The following SRGAP3 variants were observed in gnomAD, a reference collection of about 807,000 sequenced individuals.
SRGAP3 encodes the protein SLIT-ROBO Rho GTPase-activating protein 3.
In SRGAP3, 39 loss-of-function variants were observed where a neutral mutation model predicts 121.1. The ratio of observed to expected loss-of-function variants is 0.32; its 90% CI spans 0.25 to 0.42. The LOEUF is 0.42. Among genes scored for constraint, SRGAP3 ranks in the 10% least tolerant of loss-of-function variants. SRGAP3 has a pLI of 1.00. For synonymous variants in SRGAP3, 601 were observed against 570.0 expected, an observed-to-expected ratio of 1.05 and a Z score of -0.77; for missense variants, 1,213 against 1,470.6, an observed-to-expected ratio of 0.82 and a Z score of 2.86.
chr3:9,184,936 C>T (rs1951549180), intron 1 of SRGAP3, among the ~76,000 whole-genome samples: 1 of 152,172 alleles, frequency 6.6e-6, no homozygotes, highest in African/African-American at 2.4e-5. Context: ...AAGGATCCCA[C>T]CTTGTTCCCA....
At chr3:9,234,837 AG>A (rs1317012089) in intron 1 of SRGAP3, among the ~76,000 whole-genome samples, 1 of 152,226 alleles carries the variant, frequency 6.6e-6, no homozygotes, top group Non-Finnish European at 1.5e-5. Flanking sequence ...AGGTACCAGC[AG>A]GGAGGGTCTC....
chr3:9,134,389 C>T (rs1214346477), intron 1 of SRGAP3, among the ~76,000 whole-genome samples: 1 of 152,072 alleles, frequency 6.6e-6, no homozygotes, highest in Non-Finnish European at 1.5e-5. Flanking sequence ...GGTACCTTCC[C>T]AGTGTAAATT....
At chr3:9,065,960 T>C (rs1946411628) in intron 4 of SRGAP3, among the ~76,000 whole-genome samples, 1 of 152,146 alleles carries the variant, frequency 6.6e-6, no homozygotes, top group African/African-American at 2.4e-5. Flanking sequence ...TCCTAGATTG[T>C]CTGTATCATT....
chr3:9,182,200 A>AAAAAAAAAAAC (rs1491306717), intron 1 of SRGAP3, among the ~76,000 whole-genome samples: 1 of 146,398 alleles, frequency 6.8e-6, no homozygotes, highest in Non-Finnish European at 1.5e-5. Flanking sequence ...AAAAAAAAAA[A>AAAAAAAAAAAC]ACACAAAAAA....
At chr3:9,347,075 T>G (rs1457694543) in intron 1 of SRGAP3, among the ~76,000 whole-genome samples, 1 of 152,182 alleles carries the variant, frequency 6.6e-6, no homozygotes, top group African/African-American at 2.4e-5. Flanking sequence ...ATTATAGGCA[T>G]GAGCCACCGT....
chr3:9,112,085 G>A lies in SRGAP3; in HGVS notation c.261-7243C>T, dbSNP rs185683713. 3.9e-3 allele frequency among the ~76,000 whole-genome samples: 599 copies of A among 152,292 alleles called. 9 individuals are homozygous for A. Among genetic ancestry groups the A allele is most frequent in the Admixed American group, 0.037 (573 of 15,296 alleles). ...GAGTTGGGAAAATGAAATTAGCAGT[G>A]AGCCAGTTTCTCCAGCTTCTCGGCT... On this transcript the variant is annotated intron_variant, in intron 2 of 21. Coordinates refer to ENST00000383836, the MANE Select transcript of SRGAP3 (RefSeq NM_014850.4).
At chr3:9,030,681 T>A (rs530658166) in intron 12 of SRGAP3, among the ~76,000 whole-genome samples, 1 of 152,010 alleles carries the variant, frequency 6.6e-6, no homozygotes, top group South Asian at 2.1e-4. Flanking sequence ...AGGACCCCTC[T>A]ATTACGAAAA....
chr3:9,223,935 C>G (rs895023998), intron 1 of SRGAP3, among the ~76,000 whole-genome samples: 1 of 152,130 alleles, frequency 6.6e-6, no homozygotes, highest in Non-Finnish European at 1.5e-5. Context: ...CTTCTCCTCT[C>G]GAAGTTTCAA....
intron 18 of SRGAP3, among the ~76,000 whole-genome samples, chr3:9,009,910 T>G (rs1290557510): frequency 1.3e-5 from 2 of 152,180 alleles, no homozygotes; most frequent in African/African-American, 2.4e-5. Context: ...ACCGACGTCT[T>G]GTTCATCCCT....
intron 3 of SRGAP3, among the ~76,000 whole-genome samples, chr3:9,096,937 G>GTATATATATA (rs58305278): frequency 8.8e-4 from 54 of 61,246 alleles, no homozygotes; most frequent in Admixed American, 1.2e-3. Flanking sequence ...ACATTATTTT[G>GTATATATATA]TATATATATA....
chr3:9,252,138 T>C (rs1234785278), upstream of SRGAP3, among the ~76,000 whole-genome samples: 1 of 152,122 alleles, frequency 6.6e-6, no homozygotes, highest in East Asian at 1.9e-4. Flanking sequence ...ATCTGGTTGA[T>C]GAAGAGTCTG....
At chr3:9,361,968 C>T (rs189446638) in intron 1 of SRGAP3, among the ~76,000 whole-genome samples, 6 of 152,226 alleles carry the variant, frequency 3.9e-5, no homozygotes, top group Non-Finnish European at 1.5e-5. Flanking sequence ...TGAAGCTCAA[C>T]TGCACATGCA....
chr3:9,299,218 G>A (rs1955004934), intron 3 of SRGAP3, among the ~76,000 whole-genome samples: 2 of 151,288 alleles, frequency 1.3e-5, no homozygotes, highest in Admixed American at 1.3e-4. Context: ...AAAATTAGCT[G>A]GGCATGCTGG....
rs1421596348 is a variant in SRGAP3 at position 9,060,272 on chromosome 3, T to G, written c.760A>C (p.Ile254Leu). The stretch of plus-strand genomic sequence containing the variant: ...ACATCATGGATGTAGTATTTGCTTA[T>G]AGCTGCGTTGGTGGCTGCCAGATTG... ...LLNLAATNAAISKYYIHDVSD... is the reference protein window; with the variant it reads ...LLNLAATNAALSKYYIHDVSD... The change falls in exon 6 of 22, where the codon ATA becomes CTA. Residue 254 changes from isoleucine to leucine, a missense_variant. Coordinates refer to ENST00000383836, the MANE Select transcript of SRGAP3 (RefSeq NM_014850.4). 1.2e-6 allele frequency: 2 copies of G among 1,614,086 alleles called. No homozygotes were observed. The highest frequency in any genetic ancestry group is 1.3e-5 in the African/African-American group (1 of 74,938).
At position 9,189,182 on chromosome 3, in the gene SRGAP3, A is replaced by G. The variant is rs11919917; in HGVS notation, c.67+59703T>C. ...TCCTACAAACCCTGAGCTCCAGTCA[A>G]TCTTGTCTCCTTTCTGCTCCTTGGC... On this transcript the variant is annotated intron_variant, in intron 1 of 21. Transcript: ENST00000383836. 5.5e-3 allele frequency among the ~76,000 whole-genome samples: 839 copies of G among 152,316 alleles called. 8 individuals carry two copies. The highest frequency in any genetic ancestry group is 0.019 in the African/African-American group (802 of 41,564).
At chr3:9,136,207 T>A (rs1352874302) in intron 1 of SRGAP3, among the ~76,000 whole-genome samples, 1 of 151,468 alleles carries the variant, frequency 6.6e-6, no homozygotes, top group Non-Finnish European at 1.5e-5. Context: ...CACAAAAGAC[T>A]CGTGCGCTGC....
At chr3:9,257,545 A>C (rs1196256502) in intron 3 of SRGAP3, 2 of 152,156 alleles carry the variant, frequency 1.3e-5, no homozygotes, top group Non-Finnish European at 2.9e-5. Context: ...AAGCTAACAC[A>C]TTCAGGTTAG....
chr3:9,123,418 A>G (rs942576851), intron 2 of SRGAP3, among the ~76,000 whole-genome samples: 2 of 145,468 alleles, frequency 1.4e-5, no homozygotes, highest in African/African-American at 2.5e-5. Context: ...ATACACATAC[A>G]TGGAGAGGCC....
intron 3 of SRGAP3, among the ~76,000 whole-genome samples, chr3:9,305,895 C>A (rs1473391790): frequency 1.3e-5 from 2 of 152,176 alleles, no homozygotes; most frequent in African/African-American, 4.8e-5. Context: ...TTTATAGTGG[C>A]ATGATTTATA....
Sources: gnomAD v4.1 joint callset for allele counts (sites outside exome capture counted in the v4.1 genomes callset) on GRCh38, gnomAD v4.1.1 for gene constraint, MANE v1.5 for transcripts, NCBI Gene and HGNC (gene_info 2026-07-23, HGNC 2026-07-21) for gene names.